Variants in ZFAT observed in about 807,000 individuals in gnomAD.
ZFAT encodes the protein zinc finger and AT-hook domain containing.
Under a neutral mutation model 117.7 loss-of-function variants are expected in ZFAT, and 64 were observed. The ratio of observed to expected loss-of-function variants is 0.54; its 90% CI spans 0.44 to 0.67. ZFAT has a LOEUF of 0.67. Among genes scored for constraint, ZFAT ranks in the 30% least tolerant of loss-of-function variants. ZFAT has a pLI of 0.00. For synonymous variants in ZFAT, 679 were observed against 615.0 expected (o/e 1.10, Z -1.54); for missense variants, 1,433 against 1,584.5 (o/e 0.90, Z 1.62).
At chr8:134,711,639 A>G (rs996404699) in intron 1 of ZFAT, among the ~76,000 whole-genome samples, 7 of 152,174 alleles carry the variant, frequency 4.6e-5, no homozygotes, top group African/African-American at 1.2e-4. Context: ...TAAAAAAATT[A>G]AATTAAAAAA....
chr8:134,727,640 G>A, the ZFAT span, among the ~76,000 whole-genome samples: 1 of 151,982 alleles, frequency 6.6e-6, no homozygotes, highest in South Asian at 2.1e-4. Context: ...TTTTTTTTGA[G>A]AAGTCACGAG....
chr8:134,623,632 A>G (rs1829289197), intron 3 of ZFAT, among the ~76,000 whole-genome samples: 1 of 152,012 alleles, frequency 6.6e-6, no homozygotes, highest in Non-Finnish European at 1.5e-5. Context: ...CATCTCCACA[A>G]TATGTCCCCT....
the ZFAT span, among the ~76,000 whole-genome samples, chr8:134,727,265 G>A: frequency 2.0e-5 from 3 of 152,216 alleles, no homozygotes; most frequent in Non-Finnish European, 2.9e-5. Context: ...AAACCTGAGT[G>A]ATAAGAAGGA....
intron 2 of ZFAT, among the ~76,000 whole-genome samples, chr8:134,650,672 G>C (rs912440179): frequency 2.0e-5 from 3 of 152,150 alleles, no homozygotes; most frequent in African/African-American, 7.2e-5. Context: ...TACAGTTACA[G>C]CCATCTAAAC....
chr8:134,817,395 A>C, the ZFAT span, among the ~76,000 whole-genome samples: 60 of 8,170 alleles, frequency 7.3e-3, no homozygotes, highest in African/African-American at 0.019. Context: ...CTCTCTCTCT[A>C]CACACACACA....
At chr8:134,709,839 G>A (rs989685644) in intron 1 of ZFAT, among the ~76,000 whole-genome samples, 1 of 152,184 alleles carries the variant, frequency 6.6e-6, no homozygotes, top group South Asian at 2.1e-4. Context: ...CCACTGAGAA[G>A]GGAGCACTGC....
intron 1 of ZFAT, among the ~76,000 whole-genome samples, chr8:134,681,289 C>T (rs1164726183): frequency 6.6e-6 from 1 of 152,108 alleles, no homozygotes; most frequent in Non-Finnish European, 1.5e-5. Context: ...GACCCCACAC[C>T]TCTGCCCAGT....
the ZFAT span, among the ~76,000 whole-genome samples, chr8:134,733,310 A>T: frequency 6.6e-6 from 1 of 152,196 alleles, no homozygotes; most frequent in Admixed American, 6.5e-5. Flanking sequence ...CTCCACGGCC[A>T]AAATGAGCCA....
chr8:134,692,490 C>A (rs950529554), intron 1 of ZFAT, among the ~76,000 whole-genome samples: 2 of 152,232 alleles, frequency 1.3e-5, no homozygotes, highest in Non-Finnish European at 2.9e-5. Flanking sequence ...CTTACACCCT[C>A]AGGCCTCTGC....
intron 1 of ZFAT, among the ~76,000 whole-genome samples, chr8:134,700,648 C>CG (rs1833985597): frequency 1.3e-5 from 2 of 152,194 alleles, no homozygotes; most frequent in South Asian, 2.1e-4. Context: ...CTGGCCAGTC[C>CG]GGGGGGAGGC....
the ZFAT span, among the ~76,000 whole-genome samples, chr8:134,788,119 G>T: frequency 6.6e-6 from 1 of 152,194 alleles, no homozygotes; most frequent in Admixed American, 6.5e-5. Flanking sequence ...AGACTTCAAA[G>T]AACCAACATT....
At chr8:134,689,290 G>A (rs1381453573) in intron 1 of ZFAT, among the ~76,000 whole-genome samples, 1 of 152,206 alleles carries the variant, frequency 6.6e-6, no homozygotes, top group Non-Finnish European at 1.5e-5. Context: ...TATAAATTTG[G>A]CCGCAAAGCA....
chr8:134,577,548 C>T (rs774004635), intron 10 of ZFAT, among the ~76,000 whole-genome samples: 1 of 152,214 alleles, frequency 6.6e-6, no homozygotes, highest in South Asian at 2.1e-4. Flanking sequence ...TTTGTGAGTA[C>T]TACTATATCG....
At chr8:134,650,891 T>C (rs906783448) in intron 2 of ZFAT, among the ~76,000 whole-genome samples, 1 of 152,212 alleles carries the variant, frequency 6.6e-6, no homozygotes, top group African/African-American at 2.4e-5. Context: ...CCTCACATCA[T>C]ATGCAAAAAT....
intron 15 of ZFAT, among the ~76,000 whole-genome samples, chr8:134,498,331 T>C (rs1309599484): frequency 2.7e-5 from 4 of 147,312 alleles, no homozygotes; most frequent in African/African-American, 7.6e-5. Flanking sequence ...GGGGTGGAGC[T>C]GGGATGCCCC....
chr8:134,711,533 GTTTAC>G (rs1284938368), intron 1 of ZFAT, among the ~76,000 whole-genome samples: 1 of 152,124 alleles, frequency 6.6e-6, no homozygotes, highest in Non-Finnish European at 1.5e-5. Context: ...GAGGCGGGAG[GTTTAC>G]CTGAGGGCGG....
rs1262330154 is a variant in ZFAT, at chr8:134,600,761, A to C, written c.2243-93T>G. On this transcript the variant is annotated intron_variant, in intron 6 of 15. Transcript: ENST00000377838. Reference sequence around the variant, plus strand: ...TTATTATTTTTTATCTACAATATCTATCTCCCTCTTGCGCTTGTCCGGGTC... The same window carrying C: ...TTATTATTTTTTATCTACAATATCTCTCTCCCTCTTGCGCTTGTCCGGGTC... The C allele has an allele frequency of 5.9e-6, 6 of 1,025,348 alleles. No homozygotes were observed. The African/African-American group carries it at 8.1e-5, about 14-fold the overall frequency. The allele number at this position is 1,025,348 out of a possible 1,614,324, so 63.5% of individuals were successfully genotyped here.
chr8:134,630,353 T>G (rs576421390), intron 3 of ZFAT, among the ~76,000 whole-genome samples: 2 of 152,320 alleles, frequency 1.3e-5, no homozygotes, highest in East Asian at 3.9e-4. Context: ...GAAACACATT[T>G]TCACCTGCAA....
intron 13 of ZFAT, among the ~76,000 whole-genome samples, chr8:134,518,642 C>A (rs1820413048): frequency 6.6e-6 from 1 of 151,330 alleles, no homozygotes; most frequent in South Asian, 2.1e-4. Context: ...TTTTTATAGG[C>A]CTTTTATAAA....
Sources: allele counts gnomAD v4.1 joint callset (sites outside exome capture counted in the v4.1 genomes callset), GRCh38; gene constraint gnomAD v4.1.1; transcripts MANE v1.5; gene names NCBI Gene and HGNC (gene_info 2026-07-23, HGNC 2026-07-21).